Variants in GBP4 observed in about 807,000 individuals in gnomAD.
The protein encoded by GBP4 is guanylate-binding protein 4.
A neutral mutation model predicts 62.2 loss-of-function variants in GBP4; 69 were observed. The observed-to-expected ratio is 1.11, with a 90% CI of 0.91 to 1.36. The LOEUF is 1.36. GBP4 is among the 40% of genes most tolerant of loss of function. GBP4 has a pLI of 0.00. For synonymous variants in GBP4, 278 were observed against 274.6 expected (o/e 1.01, Z -0.12); for missense variants, 697 against 759.3 (o/e 0.92, Z 0.96).
chr1:89,186,576 G>A, intron 9 of GBP4, 50 bp from the exon 10 acceptor site: 2 of 1,537,484 alleles, frequency 1.3e-6, no homozygotes, highest in Non-Finnish European at 1.8e-6. Context: ...TTATTCCTGA[G>A]TTCTACCCTC....
intron 8 of GBP4, 56 bp from the exon 9 acceptor site, chr1:89,187,158 A>C: frequency 7.3e-7 from 1 of 1,376,934 alleles, no homozygotes; most frequent in Non-Finnish European, 1.0e-6. Context: ...TCATCTTATG[A>C]TGGCGAAATT....
At position 89,185,362 on chromosome 1, in the gene GBP4, T is replaced by TA; in HGVS notation, c.1814dup (p.Leu605PhefsTer8). 1 of 1,607,662 alleles carries TA rather than the reference T, an allele frequency of 6.2e-7. No individual in the cohort carries two copies. Among genetic ancestry groups the TA allele is most frequent in the Non-Finnish European group, 8.5e-7 (1 of 1,174,110 alleles). On this transcript the variant is annotated frameshift_variant, in exon 11 of 11. Coordinates refer to ENST00000355754, the MANE Select transcript of GBP4 (RefSeq NM_052941.5). LOFTEE classifies it low-confidence loss of function (END_TRUNC). ...CCATGTCAAGGATCTTTAAGAGCCT[T>TA]AACTGTTCATTTTTAGTGCTTTCAA...
At position 89,188,943 on chromosome 1, in the gene GBP4, A is replaced by G. The variant is rs889720334; in HGVS notation, c.1198-149T>C. ...AGTCACAAGAATGATTTTGTTCCCAACTATGTGATCTGTGTGACCTGTGGA... is the reference window on the plus strand; with the variant it reads ...AGTCACAAGAATGATTTTGTTCCCAGCTATGTGATCTGTGTGACCTGTGGA... On this transcript the variant is annotated intron_variant, in intron 7 of 10. Coordinates refer to ENST00000355754, the MANE Select transcript of GBP4 (RefSeq NM_052941.5). 3.5e-6 allele frequency: 3 copies of G among 852,678 alleles called. No individual in the cohort carries two copies. The South Asian group carries it at 5.1e-5, about 14-fold the overall frequency. 52.8% of individuals were successfully genotyped at this position (852,678 alleles called of 1,614,324 possible). A position where few individuals can be genotyped will look rare whatever the true frequency, so the allele number is the denominator to read the frequency against.
chr1:89,193,406 G>C lies in GBP4; in HGVS notation c.370C>G (p.Pro124Ala), dbSNP rs760544714. Residue 124 changes from proline (P) to alanine (A), a missense_variant, in exon 4 of 11, where the codon CCT becomes GCT. Physicochemically the swap from Pro to Ala is conservative, Grantham distance 27 (BLOSUM62 -1). This residue lies in a region of GBP4 where 556 missense variants were observed against 562.7 expected (regional missense o/e 0.99). Coordinates refer to ENST00000355754, the MANE Select transcript of GBP4 (RefSeq NM_052941.5). ...EGLGDVEKSN[P>A]KNDSWIFALA... ...GCAAAGATCCACGAGTCATTCTTAG[G>C]GTTACTCTAGAAAGCATATAAAGCA... 8 of 1,613,402 alleles carry C rather than the reference G, an allele frequency of 5.0e-6. No homozygotes were observed. Among genetic ancestry groups the C allele is most frequent in the Non-Finnish European group, 5.1e-6 (6 of 1,179,436 alleles).
chr1:89,186,966 C>T (rs1648053467), intron 9 of GBP4, 34 bp downstream of exon 9: 1 of 1,595,618 alleles, frequency 6.3e-7, no homozygotes, highest in Admixed American at 1.7e-5. Flanking sequence ...AGGAAACTCC[C>T]AATCCCTCTG....
rs1278756272 is a variant in GBP4 at position 89,185,046 on chromosome 1, A to G, written c.*208T>C. On this transcript the variant is annotated 3_prime_UTR_variant, in exon 11 of 11. Transcript: ENST00000355754. ...TGTCACTACTTCTGACTTGTTTCCC[A>G]TGTTTATAAATTATTAGTTCAATCA... 3 of 423,438 alleles carry G rather than the reference A, an allele frequency of 7.1e-6. No individual in the cohort carries two copies. The highest frequency in any genetic ancestry group is 3.9e-5 in the East Asian group (1 of 25,940). 26.2% of individuals were successfully genotyped at this position (423,438 alleles called of 1,614,324 possible).
chr1:89,185,795 C>T (rs1489719754), intron 10 of GBP4, among the ~76,000 whole-genome samples: 1 of 152,190 alleles, frequency 6.6e-6, no homozygotes, highest in Non-Finnish European at 1.5e-5. Flanking sequence ...AGGCCATGCT[C>T]ATCTAGCAAA....
In GBP4 at chr1:89,193,087, G is replaced by C. The variant is rs1648232769; in HGVS notation, c.487C>G (p.Leu163Val). 1 of 1,613,942 alleles carries C rather than the reference G, an allele frequency of 6.2e-7. No homozygotes were observed. Among genetic ancestry groups the C allele is most frequent in the Non-Finnish European group, 8.5e-7 (1 of 1,179,946 alleles). ...GATTTTGCCCTGATTAGCTCTGCTA[G>C]CTCAGTCACATAGCTGGGATCTCAG... Reference protein sequence around the residue: ...ALEQLHYVTELAELIRAKSCP... With the variant: ...ALEQLHYVTEVAELIRAKSCP... Residue 163 changes from leucine to valine, a missense_variant, in exon 5 of 11, where the codon CTA becomes GTA. Physicochemically the swap from Leu to Val is conservative, Grantham distance 32 (BLOSUM62 1). Around this residue, in one of 2 missense-constraint regions of GBP4, gnomAD observed 556 missense variants for 562.7 expected, o/e 0.99. Transcript: ENST00000355754.
chr1:89,197,121 C>T lies in GBP4; in HGVS notation c.224G>A (p.Gly75Glu). 1 of 1,612,308 alleles carries T rather than the reference C, an allele frequency of 6.2e-7. No homozygotes were observed. The highest frequency in any genetic ancestry group is 8.5e-7 in the Non-Finnish European group (1 of 1,178,838). Reference sequence around the variant, plus strand: ...AGGACCACACTCACCATTGCGCTTTCCTGCAAGACGATTCATGAGATAGGA... The same window carrying T: ...AGGACCACACTCACCATTGCGCTTTTCTGCAAGACGATTCATGAGATAGGA... Reference protein sequence around the residue: ...GKSYLMNRLAGKRNGFPLGST... With the variant: ...GKSYLMNRLAEKRNGFPLGST... The change falls in exon 2 of 11, where the codon GGA becomes GAA. Residue 75 changes from glycine to glutamate, a missense_variant. This residue lies in a region of GBP4 where 556 missense variants were observed against 562.7 expected (regional missense o/e 0.99). Coordinates refer to ENST00000355754, the MANE Select transcript of GBP4 (RefSeq NM_052941.5).
chr1:89,186,195 G>GTATT, intron 10 of GBP4, 138 bp downstream of exon 10: 1 of 679,738 alleles, frequency 1.5e-6, no homozygotes, highest in Non-Finnish European at 2.6e-6. Flanking sequence ...GAATTTAGAT[G>GTATT]TATTTGAGAT....
At position 89,188,539 on chromosome 1, in the gene GBP4, T is replaced by A. The variant is rs778876859; in HGVS notation, c.1410+43A>T. ...TTCAGAAGGGGCAACAAAAACCCTC[T>A]GACTATCCTCTGTTATCCATCCCCC... is the stretch of plus-strand genomic sequence containing the variant. On this transcript the variant is annotated intron_variant, in intron 8 of 10. Transcript: ENST00000355754. The A allele has an allele frequency of 6.0e-6, 9 of 1,510,636 alleles. No individual in the cohort carries two copies. The African/African-American group carries it at 1.1e-4, about 18-fold the overall frequency. 93.6% of individuals were successfully genotyped at this position (1,510,636 alleles called of 1,614,324 possible).
rs374533033 is a variant in GBP4, at chr1:89,190,033, AG to A, written c.1197+4del. The A allele has an allele frequency of 2.2e-5, 36 of 1,602,670 alleles. No individual in the cohort carries two copies. The highest frequency in any genetic ancestry group is 3.6e-4 in the Middle Eastern group (2 of 5,558). On this transcript the variant is annotated splice_donor_region_variant and intron_variant, in intron 7 of 10. Coordinates refer to ENST00000355754, the MANE Select transcript of GBP4 (RefSeq NM_052941.5). ...GAAATCAGGAAGGATAAATGCTAAAAGTACCACAAGCTTCTTCTGGAATTCA... is the reference window on the plus strand; with the variant it reads ...GAAATCAGGAAGGATAAATGCTAAAATACCACAAGCTTCTTCTGGAATTCA...
At chr1:89,197,372 G>T in intron 1 of GBP4, 68 bp from the exon 2 acceptor site, 2 of 1,294,380 alleles carry the variant, frequency 1.5e-6, no homozygotes, top group South Asian at 1.6e-5. Flanking sequence ...GCTACCTAAG[G>T]CACATACATA....
intron 3 of GBP4, among the ~76,000 whole-genome samples, chr1:89,194,619 T>C (rs1371481252): frequency 6.6e-6 from 1 of 152,218 alleles, no homozygotes; most frequent in Non-Finnish European, 1.5e-5. Context: ...AAGAATGGAC[T>C]GATCGCACCT....
At position 89,185,388 on chromosome 1, in the gene GBP4, T is replaced by G. The variant is rs749698938; in HGVS notation, c.1789A>C (p.Ile597Leu). The change falls in exon 11 of 11, where the codon ATT becomes CTT. Residue 597 changes from isoleucine to leucine, a missense_variant. Physicochemically the swap from Ile to Leu is conservative, Grantham distance 5. Transcript: ENST00000355754. ...AACTGTTCATTTTTAGTGCTTTCAA[T>G]TTTTTCTTTCAGTTGATTAATCTCT... ...NKEINQLKEK[I>L]ESTKNEQLRL... 1 of 1,597,090 alleles carries G rather than the reference T, an allele frequency of 6.3e-7. No individual in the cohort carries two copies. Among genetic ancestry groups the G allele is most frequent in the Non-Finnish European group, 8.6e-7 (1 of 1,164,524 alleles).
At chr1:89,193,519 G>T in intron 3 of GBP4, 107 bp from the exon 4 acceptor site, 3 of 920,442 alleles carry the variant, frequency 3.3e-6, no homozygotes, top group Non-Finnish European at 5.0e-6. Context: ...TGAATAATAG[G>T]GTAAATAACA....
At chr1:89,185,987 T>C (rs1034876023) in intron 10 of GBP4, among the ~76,000 whole-genome samples, 6 of 152,214 alleles carry the variant, frequency 3.9e-5, no homozygotes, top group Admixed American at 1.3e-4. Flanking sequence ...TCCAGATGGA[T>C]CTATTTCAGG....
intron 8 of GBP4, among the ~76,000 whole-genome samples, chr1:89,187,816 A>G (rs969470385): frequency 1.3e-5 from 2 of 152,230 alleles, no homozygotes; most frequent in African/African-American, 4.8e-5. Flanking sequence ...AATGATAATT[A>G]TCCAATAGTC....
rs1648412653 is a variant in GBP4 at position 89,198,659 on chromosome 1, A to G, written c.40+136T>C. 7.8e-6 allele frequency: 6 copies of G among 772,660 alleles called. No individual in the cohort carries two copies. The East Asian group carries it at 1.5e-4, about 19-fold the overall frequency. The allele number at this position is 772,660 out of a possible 1,614,324, so 47.9% of individuals were successfully genotyped here. On this transcript the variant is annotated intron_variant, in intron 1 of 10. Transcript: ENST00000355754. ...TCAAGCAGCATCAGACTTCCCCGCG[A>G]GGTTCCTCCACTGCCTTTGTCACCC...
Sources: gnomAD v4.1 joint callset for allele counts (sites outside exome capture counted in the v4.1 genomes callset) on GRCh38, gnomAD v4.1.1 for gene constraint, gnomAD v4.1.1 regional missense constraint, MANE v1.5 for transcripts, NCBI Gene and HGNC (gene_info 2026-07-23, HGNC 2026-07-21) for gene names.